Variants in TMTC2 observed in about 807,000 individuals in gnomAD.
The protein encoded by TMTC2 is transmembrane O-mannosyltransferase targeting cadherins 2.
In TMTC2, 43 loss-of-function variants were observed where a neutral mutation model predicts 82.4. That is an observed-to-expected ratio of 0.52 (90% CI 0.41 to 0.67). The LOEUF (loss-of-function observed/expected upper bound fraction) is 0.67, where lower values mean the gene tolerates loss of function less well. Among genes scored for constraint, TMTC2 ranks in the 30% least tolerant of loss-of-function variants. The pLI, the probability that TMTC2 is intolerant of heterozygous loss-of-function variation, is 0.00. For synonymous variants in TMTC2, 408 were observed against 381.9 expected, an observed-to-expected ratio of 1.07 and a Z score of -0.80; for missense variants, 919 against 1,012.4, an observed-to-expected ratio of 0.91 and a Z score of 1.25.
chr12:82,732,594 C>T (rs925336178), intron 1 of TMTC2, among the ~76,000 whole-genome samples: 6 of 152,138 alleles, frequency 3.9e-5, no homozygotes, highest in African/African-American at 1.2e-4. Flanking sequence ...CCGTCTGCCT[C>T]GGCCTCCCAA....
chr12:82,937,230 G>T (rs1042395350), intron 4 of TMTC2, among the ~76,000 whole-genome samples: 1 of 152,110 alleles, frequency 6.6e-6, no homozygotes, highest in Non-Finnish European at 1.5e-5. Context: ...CGAAGTCAAG[G>T]TGTTGGCAGG....
chr12:82,821,047 AAG>A (rs1249668101), intron 1 of TMTC2, among the ~76,000 whole-genome samples: 2 of 151,136 alleles, frequency 1.3e-5, no homozygotes, highest in African/African-American at 2.4e-5. Flanking sequence ...TTCGTAGAGG[AAG>A]AGTCTTGCGA....
intron 10 of TMTC2, among the ~76,000 whole-genome samples, chr12:83,056,230 T>C (rs977398206): frequency 1.6e-4 from 24 of 151,978 alleles, no homozygotes; most frequent in African/African-American, 5.6e-4. Flanking sequence ...TTAACATTTT[T>C]AGAAGTATCA....
chr12:83,025,392 A>G (rs1565858690), intron 8 of TMTC2, among the ~76,000 whole-genome samples: 1 of 149,950 alleles, frequency 6.7e-6, no homozygotes, highest in Non-Finnish European at 1.5e-5. Flanking sequence ...AATGTATTAT[A>G]TATATTTACA....
At chr12:82,963,262 AAG>A (rs1466936722) in intron 4 of TMTC2, among the ~76,000 whole-genome samples, 8 of 152,000 alleles carry the variant, frequency 5.3e-5, no homozygotes, top group African/African-American at 1.9e-4. Flanking sequence ...TCCTATGTCT[AAG>A]AGGTACACGA....
intron 4 of TMTC2, among the ~76,000 whole-genome samples, chr12:82,931,920 T>G (rs1876053643): frequency 6.6e-6 from 1 of 152,022 alleles, no homozygotes; most frequent in Non-Finnish European, 1.5e-5. Flanking sequence ...GGGCAACGAG[T>G]CACTTCCATT....
intron 1 of TMTC2, among the ~76,000 whole-genome samples, chr12:82,764,581 T>C (rs1876839827): frequency 6.6e-6 from 1 of 152,166 alleles, no homozygotes; most frequent in African/African-American, 2.4e-5. Flanking sequence ...AGATACTTTA[T>C]TAAAAGACCA....
intron 1 of TMTC2, among the ~76,000 whole-genome samples, chr12:82,737,594 T>G (rs961741178): frequency 6.6e-6 from 1 of 152,198 alleles, no homozygotes; most frequent in Non-Finnish European, 1.5e-5. Flanking sequence ...AGCAACATAA[T>G]AGGCTTGCAG....
chr12:83,132,049 C>T (rs1302219350), intron 11 of TMTC2, among the ~76,000 whole-genome samples, 161 bp from the exon 12 acceptor site: 1 of 152,196 alleles, frequency 6.6e-6, no homozygotes, highest in Non-Finnish European at 1.5e-5. Context: ...TTTCCATCTT[C>T]CTAGTTATCT....
chr12:82,986,776 C>G (rs1228369232), intron 8 of TMTC2, among the ~76,000 whole-genome samples: 1 of 152,100 alleles, frequency 6.6e-6, no homozygotes, highest in Non-Finnish European at 1.5e-5. Context: ...TAGTATTGTA[C>G]CACTATGACC....
intron 11 of TMTC2, among the ~76,000 whole-genome samples, chr12:83,125,007 G>C (rs1428481004): frequency 6.6e-6 from 1 of 152,094 alleles, no homozygotes; most frequent in Non-Finnish European, 1.5e-5. Flanking sequence ...AAATTTTTTT[G>C]TTGTCCCTGG....
chr12:83,066,128 G>A (rs1471598287), intron 11 of TMTC2, among the ~76,000 whole-genome samples: 8 of 151,846 alleles, frequency 5.3e-5, no homozygotes, highest in African/African-American at 9.7e-5. Context: ...AGAGAACACC[G>A]GAATTTCAAT....
intron 1 of TMTC2, 90 bp from the exon 2 acceptor site, chr12:82,856,920 C>A: frequency 7.9e-7 from 1 of 1,268,838 alleles, no homozygotes; most frequent in Non-Finnish European, 1.1e-6. Context: ...AGTAACAAAG[C>A]TTCTGAGAAA....
At chr12:82,925,606 T>A (rs1875657885) in intron 3 of TMTC2, among the ~76,000 whole-genome samples, 1 of 152,224 alleles carries the variant, frequency 6.6e-6, no homozygotes, top group African/African-American at 2.4e-5. Context: ...CATGTCTCTG[T>A]CATATTTTGG....
chr12:82,917,277 C>T (rs890055326), intron 3 of TMTC2, among the ~76,000 whole-genome samples: 1 of 151,846 alleles, frequency 6.6e-6, no homozygotes. Flanking sequence ...CTTTTTTTCT[C>T]TCTCCATTGA....
At chr12:82,883,347 A>G (rs1322807876) in intron 2 of TMTC2, among the ~76,000 whole-genome samples, 3 of 152,330 alleles carry the variant, frequency 2.0e-5, no homozygotes, top group African/African-American at 2.4e-5. Context: ...ATGCTTATTA[A>G]TGAACATCTA....
chr12:82,746,755 G>A (rs976499935), intron 1 of TMTC2, among the ~76,000 whole-genome samples: 1 of 152,084 alleles, frequency 6.6e-6, no homozygotes, highest in East Asian at 1.9e-4. Context: ...CTCTAGCAAC[G>A]GCAGAACAGG....
intron 1 of TMTC2, among the ~76,000 whole-genome samples, chr12:82,791,271 C>T (rs1203238625): frequency 6.6e-6 from 1 of 152,056 alleles, no homozygotes; most frequent in Non-Finnish European, 1.5e-5. Context: ...CCTCCAAACC[C>T]TATTTTTGTT....
chr12:82,939,968 C>G (rs1261662587), intron 4 of TMTC2, among the ~76,000 whole-genome samples: 1 of 142,140 alleles, frequency 7.0e-6, no homozygotes, highest in African/African-American at 2.6e-5. Flanking sequence ...TTGTTATACT[C>G]TTGAATTTTC....
Sources: gnomAD v4.1 joint callset for allele counts (sites outside exome capture counted in the v4.1 genomes callset) on GRCh38, gnomAD v4.1.1 for gene constraint, MANE v1.5 for transcripts, NCBI Gene and HGNC (gene_info 2026-07-23, HGNC 2026-07-21) for gene names.